TPST1: variants seen among roughly 807,000 people sequenced by gnomAD.
TPST1 encodes the protein tyrosylprotein sulfotransferase 1.
A neutral mutation model predicts 34.8 loss-of-function variants in TPST1; 20 were observed. The ratio of observed to expected loss-of-function variants is 0.57; its 90% CI spans 0.40 to 0.84. TPST1 has a LOEUF of 0.84. TPST1 is among the 40% of genes least tolerant of loss of function. The pLI is 0.00. For synonymous variants in TPST1, 152 were observed against 159.4 expected, an observed-to-expected ratio of 0.95 and a Z score of 0.35; for missense variants, 353 against 455.5, an observed-to-expected ratio of 0.78 and a Z score of 2.05.
intron 1 of TPST1, among the ~76,000 whole-genome samples, chr7:66,213,955 A>T (rs1044165699): frequency 3.3e-5 from 5 of 152,158 alleles, no homozygotes; most frequent in Non-Finnish European, 7.3e-5. Context: ...ATGTTTTAGT[A>T]GACAGTCACC....
At chr7:66,353,966 G>C (rs1250861732) in intron 4 of TPST1, among the ~76,000 whole-genome samples, 1 of 152,160 alleles carries the variant, frequency 6.6e-6, no homozygotes, top group African/African-American at 2.4e-5. Flanking sequence ...GCCAGTAATT[G>C]ATACATATGA....
intron 1 of TPST1, among the ~76,000 whole-genome samples, chr7:66,211,084 A>T (rs1789234174): frequency 6.6e-6 from 1 of 152,042 alleles, no homozygotes; most frequent in African/African-American, 2.4e-5. Flanking sequence ...TAAAGGAGTT[A>T]TCACATTTTA....
In TPST1 at chr7:66,205,577, C is replaced by G. The variant is rs942560432; in HGVS notation, c.-102+55C>G. ...CCGCTCCCCTCTCGTCTCCTCACAC[C>G]CGGCCCTGTGCCCCGTCCTGGCATC... On this transcript the variant is annotated intron_variant, in intron 1 of 5. Coordinates refer to ENST00000304842, the MANE Select transcript of TPST1 (RefSeq NM_003596.4). The surrounding 1 kb of genome is among the most constrained non-coding windows in gnomAD (Gnocchi z 5.0). 6.6e-6 allele frequency: 1 copy of G among 152,660 alleles called. No homozygotes were observed. Among genetic ancestry groups the G allele is most frequent in the Admixed American group, 6.5e-5 (1 of 15,284 alleles). 9.5% of individuals were successfully genotyped at this position (152,660 alleles called of 1,614,324 possible).
chr7:66,355,725 C>T (rs936942592), intron 4 of TPST1, among the ~76,000 whole-genome samples: 1 of 151,582 alleles, frequency 6.6e-6, no homozygotes, highest in Non-Finnish European at 1.5e-5. Context: ...CATGGCAAAA[C>T]TCCATCTCTA....
At chr7:66,203,098 A>G (rs1210576745), upstream of TPST1, among the ~76,000 whole-genome samples, 1 of 151,940 alleles carries the variant, frequency 6.6e-6, no homozygotes, top group African/African-American at 2.4e-5. Flanking sequence ...AAACAAACAA[A>G]CAACAAAATT....
At chr7:66,214,253 A>G (rs532336025) in intron 1 of TPST1, among the ~76,000 whole-genome samples, 21 of 152,102 alleles carry the variant, frequency 1.4e-4, no homozygotes, top group African/African-American at 4.8e-4. Flanking sequence ...TTCATATTAT[A>G]TAGAATAGAA....
chr7:66,352,806 A>G (rs1372620423), intron 4 of TPST1: 1 of 985,432 alleles, frequency 1.0e-6, no homozygotes, highest in Non-Finnish European at 1.2e-6. Context: ...CTTTATTGAT[A>G]ACCAAATTCT....
chr7:66,232,648 C>T (rs746288477), intron 1 of TPST1, among the ~76,000 whole-genome samples: 15 of 152,280 alleles, frequency 9.9e-5, no homozygotes, highest in Non-Finnish European at 1.5e-4. Context: ...TGAGCCACCG[C>T]GCCCGGCCCA....
chr7:66,326,304 C>T (rs1440763129), intron 3 of TPST1, among the ~76,000 whole-genome samples: 1 of 152,010 alleles, frequency 6.6e-6, no homozygotes, highest in African/African-American at 2.4e-5. Context: ...GTATAACTGC[C>T]GTAAGAACAG....
At chr7:66,349,585 C>T (rs1198989892) in intron 3 of TPST1, among the ~76,000 whole-genome samples, 1 of 151,922 alleles carries the variant, frequency 6.6e-6, no homozygotes, top group Non-Finnish European at 1.5e-5. Context: ...ACAACAACAA[C>T]AACAACAACA....
intron 1 of TPST1, among the ~76,000 whole-genome samples, chr7:66,232,033 A>G (rs1405789424): frequency 6.6e-6 from 1 of 152,172 alleles, no homozygotes; most frequent in Non-Finnish European, 1.5e-5. Context: ...TTATCCATTT[A>G]TCAATTCATG....
At chr7:66,235,346 C>G (rs1436819689) in intron 1 of TPST1, among the ~76,000 whole-genome samples, 2 of 152,050 alleles carry the variant, frequency 1.3e-5, no homozygotes, top group African/African-American at 4.8e-5. Flanking sequence ...TATCTTAATA[C>G]TTTTTTCTTT....
chr7:66,242,061 T>C (rs191768832), intron 2 of TPST1, among the ~76,000 whole-genome samples: 93 of 152,340 alleles, frequency 6.1e-4, no homozygotes, highest in Admixed American at 2.2e-3. Context: ...TTTAGCATTT[T>C]GCTTCTTTTC....
In TPST1 at chr7:66,352,841, C is replaced by T. The variant is rs1325123116; in HGVS notation, c.1095+286C>T. On this transcript the variant is annotated intron_variant, in intron 4 of 5. Transcript: ENST00000304842. ...TGATTGCTTGAGGTCCTGCACAAGC[C>T]GCCCAGTGGGTAAAGCTGCTCCAGC... is the stretch of plus-strand genomic sequence containing the variant. The T allele has an allele frequency of 1.8e-5, 18 of 985,244 alleles. 1 individual carries two copies. The South Asian group carries it at 1.9e-4, about 10-fold the overall frequency. 61.0% of individuals were successfully genotyped at this position (985,244 alleles called of 1,614,324 possible).
chr7:66,231,551 C>A (rs1562805530), intron 1 of TPST1, among the ~76,000 whole-genome samples: 2 of 152,234 alleles, frequency 1.3e-5, no homozygotes, highest in African/African-American at 2.4e-5. Context: ...TGCTGGGGGA[C>A]CCAGTACACC....
intron 1 of TPST1, among the ~76,000 whole-genome samples, chr7:66,220,125 A>G (rs1305031673): frequency 6.6e-6 from 1 of 152,218 alleles, no homozygotes; most frequent in Non-Finnish European, 1.5e-5. Flanking sequence ...TGGAACCAGA[A>G]GAAAAAAGTA....
intron 2 of TPST1, among the ~76,000 whole-genome samples, chr7:66,243,136 G>C (rs551741253): frequency 6.6e-6 from 1 of 151,690 alleles, no homozygotes; most frequent in East Asian, 1.9e-4. Context: ...AGAATTGCTG[G>C]ATGACAAGGG....
Position 66,255,145 on chromosome 7 carries a change from C to CA in TPST1, c.845+13896dup, listed in dbSNP as rs35033344. 9.8e-4 allele frequency among the ~76,000 whole-genome samples: 77 copies of CA among 78,402 alleles called. 1 individual carries two copies. The highest frequency in any genetic ancestry group is 4.4e-3 in the Admixed American group (34 of 7,720). 51.4% of individuals were successfully genotyped at this position (78,402 alleles called of 152,430 possible). A position where few individuals can be genotyped will look rare whatever the true frequency, so the allele number is the denominator to read the frequency against. On this transcript the variant is annotated intron_variant, in intron 2 of 5. Transcript: ENST00000304842. The stretch of plus-strand genomic sequence containing the variant: ...TGGGTGACAGAGCGAGACAACGTCT[C>CA]AAAAAAAAAAAAAAAAAAAAAGTTG...
chr7:66,261,165 G>A (rs1294224030), intron 2 of TPST1, among the ~76,000 whole-genome samples: 4 of 151,860 alleles, frequency 2.6e-5, no homozygotes, highest in East Asian at 1.9e-4. Context: ...CCCATTTCTC[G>A]GGAAACAGTC....
Sources: gnomAD v4.1 joint callset for allele counts (sites outside exome capture counted in the v4.1 genomes callset) on GRCh38, gnomAD v4.1.1 for gene constraint, Gnocchi (gnomAD v3.1) non-coding constraint, MANE v1.5 for transcripts, NCBI Gene and HGNC (gene_info 2026-07-23, HGNC 2026-07-21) for gene names.